RFFL: variants seen among roughly 807,000 people sequenced by gnomAD.
RFFL encodes E3 ubiquitin-protein ligase rififylin.
In RFFL, 16 loss-of-function variants were observed where a neutral mutation model predicts 40.4. The ratio of observed to expected loss-of-function variants is 0.40; its 90% confidence interval spans 0.27 to 0.60. The LOEUF (loss-of-function observed/expected upper bound fraction) is 0.60. RFFL is among the 20% of genes least tolerant of loss of function. The pLI is 0.47. For synonymous variants in RFFL, 154 were observed against 167.9 expected, an observed-to-expected ratio of 0.92 and a Z score of 0.64; for missense variants, 367 against 451.7, an observed-to-expected ratio of 0.81 and a Z score of 1.70.
chr17:35,013,099 A>G (rs2090951111), intron 6 of RFFL, among the ~76,000 whole-genome samples: 1 of 152,256 alleles, frequency 6.6e-6, no homozygotes, highest in Non-Finnish European at 1.5e-5. Context: ...CAAAAACTAT[A>G]AAGTAGGACC....
intron 1 of RFFL, among the ~76,000 whole-genome samples, chr17:35,080,253 T>G (rs1231983508): frequency 6.6e-6 from 1 of 152,208 alleles, no homozygotes; most frequent in Non-Finnish European, 1.5e-5. Context: ...TGCAAATGGT[T>G]ATGCATCTAC....
chr17:35,013,067 G>A (rs1366953145), intron 6 of RFFL, among the ~76,000 whole-genome samples: 1 of 152,242 alleles, frequency 6.6e-6, no homozygotes, highest in African/African-American at 2.4e-5. Context: ...AGCTTTGCAT[G>A]TGTTAACTCA....
chr17:35,029,371 TCTCA>T (rs1026617210), intron 1 of RFFL, among the ~76,000 whole-genome samples: 21 of 133,004 alleles, frequency 1.6e-4, no homozygotes, highest in African/African-American at 6.1e-4. Context: ...GAGACAGGGG[TCTCA>T]CTCTGTCACC....
chr17:35,024,411 A>G (rs1377666334), intron 2 of RFFL, among the ~76,000 whole-genome samples: 2 of 152,132 alleles, frequency 1.3e-5, no homozygotes, highest in Non-Finnish European at 1.5e-5. Flanking sequence ...CATGGCTCCA[A>G]GCATAACCTC....
chr17:35,063,196 C>A (rs1263108773), intron 1 of RFFL, among the ~76,000 whole-genome samples: 4 of 152,084 alleles, frequency 2.6e-5, no homozygotes, highest in Non-Finnish European at 5.9e-5. Context: ...TGGCTCATGC[C>A]TATAATTCCA....
intron 1 of RFFL, among the ~76,000 whole-genome samples, chr17:35,072,393 T>C (rs1389001580): frequency 3.3e-5 from 5 of 151,974 alleles, no homozygotes; most frequent in Non-Finnish European, 7.4e-5. Flanking sequence ...TCCATTTCCA[T>C]AATATTTCTG....
chr17:35,051,725 T>A (rs1321663205), intron 1 of RFFL, among the ~76,000 whole-genome samples: 3 of 152,178 alleles, frequency 2.0e-5, no homozygotes, highest in African/African-American at 7.2e-5. Flanking sequence ...TTTTAATAAT[T>A]AAACGCTGGC....
intron 1 of RFFL, chr17:35,069,541 C>T (rs930851351): frequency 7.0e-5 from 23 of 329,278 alleles, no homozygotes; most frequent in African/African-American, 4.8e-4. Context: ...CTGTGTACTT[C>T]AGTAGTACTT....
chr17:35,072,274 C>G (rs1243939538), intron 1 of RFFL, among the ~76,000 whole-genome samples: 2 of 141,904 alleles, frequency 1.4e-5, no homozygotes, highest in Non-Finnish European at 3.0e-5. Context: ...GAGCCAGACA[C>G]TGTCTCAAAA....
chr17:35,056,112 G>A (rs1025611388), intron 1 of RFFL, among the ~76,000 whole-genome samples: 2 of 151,786 alleles, frequency 1.3e-5, no homozygotes, highest in South Asian at 2.1e-4. Context: ...AATAAACCCC[G>A]CCCCCAGGTC....
chr17:35,055,502 A>G (rs144053266), intron 1 of RFFL, among the ~76,000 whole-genome samples: 314 of 152,004 alleles, frequency 2.1e-3, no homozygotes, highest in African/African-American at 7.3e-3. Context: ...GTGAAAACCC[A>G]TCTCTACTAA....
intron 1 of RFFL, among the ~76,000 whole-genome samples, chr17:35,088,550 CG>C (rs1169082067): frequency 6.6e-6 from 1 of 152,152 alleles, no homozygotes; most frequent in Non-Finnish European, 1.5e-5. Context: ...CGCACAGTGG[CG>C]ACCTCACACA....
At chr17:35,078,171 C>A (rs1357643562) in intron 1 of RFFL, among the ~76,000 whole-genome samples, 2 of 152,012 alleles carry the variant, frequency 1.3e-5, no homozygotes, top group Non-Finnish European at 2.9e-5. Flanking sequence ...TTTTTACAAG[C>A]ACCTAGGAGA....
At chr17:35,059,847 A>G (rs996979559) in intron 1 of RFFL, among the ~76,000 whole-genome samples, 1 of 152,148 alleles carries the variant, frequency 6.6e-6, no homozygotes, top group African/African-American at 2.4e-5. Context: ...ACTTATAATG[A>G]TAAGACCTGT....
intron 1 of RFFL, chr17:35,076,809 G>A (rs766035119): frequency 8.0e-5 from 18 of 224,020 alleles, no homozygotes; most frequent in Non-Finnish European, 1.4e-4. Context: ...TTCAGAAGTC[G>A]ACCTGTGGCA....
intron 1 of RFFL, among the ~76,000 whole-genome samples, chr17:35,054,938 G>A (rs1387134962): frequency 2.7e-5 from 4 of 148,720 alleles, no homozygotes; most frequent in Non-Finnish European, 5.9e-5. Context: ...TTTTTTTTGA[G>A]ATTGAGTCTT....
intron 1 of RFFL, among the ~76,000 whole-genome samples, chr17:35,037,277 T>G (rs888376596): frequency 6.6e-6 from 1 of 152,228 alleles, no homozygotes; most frequent in African/African-American, 2.4e-5. Flanking sequence ...CACTAACGTA[T>G]TTCTGGAATG....
rs1247294540 is a variant in RFFL, at chr17:35,009,548, G to A, written c.*2420C>T. ...TAAATATTAACTGGAATGGGATCTT[G>A]GAACTCCCAACTTTAATTTGGTGTA... On this transcript the variant is annotated 3_prime_UTR_variant, in exon 7 of 7. Coordinates refer to ENST00000394597, the MANE Select transcript of RFFL (RefSeq NM_001017368.2). The A allele has an allele frequency of 6.6e-6, 1 of 151,472 alleles. No individual in the cohort carries two copies. The highest frequency in any genetic ancestry group is 2.4e-5 in the African/African-American group (1 of 41,148). The allele number at this position is 151,472 out of a possible 1,614,324, so 9.4% of individuals were successfully genotyped here. A position where few individuals can be genotyped will look rare whatever the true frequency, so the allele number is the denominator to read the frequency against.
At chr17:35,056,279 T>G (rs1165137533) in intron 1 of RFFL, among the ~76,000 whole-genome samples, 2 of 151,964 alleles carry the variant, frequency 1.3e-5, no homozygotes, top group African/African-American at 4.8e-5. Flanking sequence ...TTATTTTCCT[T>G]CCCTGGTTCC....
Sources: allele counts gnomAD v4.1 joint callset (sites outside exome capture counted in the v4.1 genomes callset), GRCh38; gene constraint gnomAD v4.1.1; transcripts MANE v1.5; gene names NCBI Gene and HGNC (gene_info 2026-07-23, HGNC 2026-07-21).